GPR89A: variants seen among roughly 807,000 people sequenced by gnomAD.
GPR89A encodes the protein G protein-coupled receptor 89A.
In GPR89A, 16 loss-of-function variants were observed where a neutral mutation model predicts 52.0. The observed-to-expected ratio is 0.31, with a 90% confidence interval of 0.21 to 0.47. The LOEUF is 0.47. Ranked by LOEUF, GPR89A falls within the 20% of genes least tolerant of loss-of-function variation. The pLI is 1.00. For synonymous variants in GPR89A, 55 were observed against 150.9 expected (o/e 0.36, Z 4.66); for missense variants, 135 against 449.4 (o/e 0.30, Z 6.33).
At position 145,640,025 on chromosome 1, in the gene GPR89A, C is replaced by A. The variant is rs1342319806; in HGVS notation, c.618-3844C>A. 1.4e-4 allele frequency among the ~76,000 whole-genome samples: 22 copies of A among 151,934 alleles called. No homozygotes were observed. In the East Asian group the frequency reaches 4.1e-3, roughly 28 times the overall value. On this transcript the variant is annotated intron_variant, in intron 7 of 13. Coordinates refer to ENST00000313835, the MANE Select transcript of GPR89A (RefSeq NM_001097612.2). ...TTAAGGTCAGGAGTTCAAGACTAGA[C>A]CGGCGAACATGGTGAAACCCCGTCT...
chr1:145,613,497 G>A (rs1571460797), intron 1 of GPR89A, among the ~76,000 whole-genome samples: 2 of 152,160 alleles, frequency 1.3e-5, no homozygotes, highest in East Asian at 3.9e-4. Flanking sequence ...AAACAAATCA[G>A]ACCATGCCAT....
At chr1:145,645,435 T>C in intron 8 of GPR89A, 1 of 374,474 alleles carries the variant, frequency 2.7e-6, no homozygotes, top group Middle Eastern at 9.5e-4. Context: ...GGGTTTGAGC[T>C]GTGTTAGTAA....
At chr1:145,635,482 T>C (rs1650172395) in intron 7 of GPR89A, among the ~76,000 whole-genome samples, 1 of 152,246 alleles carries the variant, frequency 6.6e-6, no homozygotes, top group Non-Finnish European at 1.5e-5. Context: ...ATGTCTTTAC[T>C]AGGCTATTGA....
chr1:145,667,186 G>C (rs1652626386), intron 12 of GPR89A, among the ~76,000 whole-genome samples: 1 of 152,156 alleles, frequency 6.6e-6, no homozygotes, highest in South Asian at 2.1e-4. Context: ...GGTTGAACTA[G>C]TTTACAGTCC....
intron 1 of GPR89A, among the ~76,000 whole-genome samples, chr1:145,611,971 A>G (rs141813393): frequency 0.03 from 4,564 of 152,038 alleles, 196 homozygotes; most frequent in African/African-American, 0.1. Flanking sequence ...ATAAGTCCAC[A>G]CTTGGATCAC....
At chr1:145,661,386 G>A (rs1417013532) in intron 10 of GPR89A, among the ~76,000 whole-genome samples, 6 of 151,536 alleles carry the variant, frequency 4.0e-5, no homozygotes, top group East Asian at 1.9e-4. Context: ...CAGCACACCA[G>A]CATGGCACAT....
intron 7 of GPR89A, among the ~76,000 whole-genome samples, chr1:145,640,393 T>C: frequency 1.1e-5 from 1 of 89,298 alleles, no homozygotes; most frequent in Admixed American, 1.3e-4. Context: ...TTTAACACTT[T>C]CGCTCTGTAA....
intron 7 of GPR89A, among the ~76,000 whole-genome samples, chr1:145,637,111 C>T (rs1650298255): frequency 6.6e-6 from 1 of 152,044 alleles, no homozygotes; most frequent in Non-Finnish European, 1.5e-5. Flanking sequence ...TACTGAACTG[C>T]TTCTTGGTGC....
intron 10 of GPR89A, among the ~76,000 whole-genome samples, chr1:145,648,276 A>G (rs1276232159): frequency 1.3e-5 from 2 of 151,920 alleles, no homozygotes; most frequent in Non-Finnish European, 2.9e-5. Flanking sequence ...GAGCTTTGTC[A>G]GCTTGTTAGT....
At chr1:145,611,040 G>A (rs1202175925) in intron 1 of GPR89A, among the ~76,000 whole-genome samples, 5 of 151,950 alleles carry the variant, frequency 3.3e-5, no homozygotes, top group East Asian at 1.9e-4. Context: ...GAAGCTATAC[G>A]CCTTCCATTT....
intron 7 of GPR89A, among the ~76,000 whole-genome samples, chr1:145,635,850 T>C (rs1650200859): frequency 6.6e-6 from 1 of 152,148 alleles, no homozygotes; most frequent in South Asian, 2.1e-4. Flanking sequence ...TCCCAGCTAC[T>C]TGGGAGGCTG....
intron 1 of GPR89A, among the ~76,000 whole-genome samples, chr1:145,610,337 A>G (rs1333804786): frequency 6.6e-5 from 10 of 152,068 alleles, no homozygotes; most frequent in East Asian, 5.8e-4. Flanking sequence ...ACTCCTTTAC[A>G]TGGCTTTTCA....
At chr1:145,660,149 A>G (rs1422141530) in intron 10 of GPR89A, among the ~76,000 whole-genome samples, 2 of 152,158 alleles carry the variant, frequency 1.3e-5, no homozygotes, top group African/African-American at 4.8e-5. Flanking sequence ...ATCACGCCGC[A>G]TATCTACAAC....
At chr1:145,667,988 C>T (rs1182388259) in intron 12 of GPR89A, among the ~76,000 whole-genome samples, 3 of 151,974 alleles carry the variant, frequency 2.0e-5, no homozygotes, top group African/African-American at 7.3e-5. Context: ...TGTAGTATAG[C>T]TTGAAGTCAG....
intron 7 of GPR89A, among the ~76,000 whole-genome samples, chr1:145,635,594 G>T (rs1481302356): frequency 6.6e-6 from 1 of 152,192 alleles, no homozygotes; most frequent in Non-Finnish European, 1.5e-5. Context: ...TTATTCAAAA[G>T]TGAAAGATTT....
chr1:145,639,045 A>G (rs1333847771), intron 7 of GPR89A, among the ~76,000 whole-genome samples: 4 of 150,886 alleles, frequency 2.7e-5, no homozygotes, highest in Admixed American at 2.0e-4. Flanking sequence ...ACTACTTACA[A>G]TCACTCACAA....
chr1:145,618,260 G>GT (rs1291107343), intron 2 of GPR89A, 60 bp from the exon 3 acceptor site: 2 of 1,611,606 alleles, frequency 1.2e-6, no homozygotes, highest in Non-Finnish European at 1.7e-6. Flanking sequence ...CCAGAAGGAG[G>GT]TTATCAGTTC....
intron 5 of GPR89A, among the ~76,000 whole-genome samples, chr1:145,629,137 A>T (rs1559031278): frequency 6.6e-6 from 1 of 152,142 alleles, no homozygotes; most frequent in African/African-American, 2.4e-5. Context: ...AATAGCACCA[A>T]GATTATCACT....
At chr1:145,636,548 T>C (rs1571500483) in intron 7 of GPR89A, among the ~76,000 whole-genome samples, 1 of 151,490 alleles carries the variant, frequency 6.6e-6, no homozygotes, top group African/African-American at 2.4e-5. Context: ...AAGGAAAAAA[T>C]GTTAACCTCT....
Sources: allele counts gnomAD v4.1 joint callset (sites outside exome capture counted in the v4.1 genomes callset), GRCh38; gene constraint gnomAD v4.1.1; transcripts MANE v1.5; gene names NCBI Gene and HGNC (gene_info 2026-07-23, HGNC 2026-07-21).